Variants in ZNF736 observed in about 807,000 individuals in gnomAD.
ZNF736 encodes the protein KRAB-containing zinc-finger repressor protein.
Under a neutral mutation model 11.7 loss-of-function variants are expected in ZNF736, and 6 were observed. The observed-to-expected ratio is 0.51, with a 90% CI of 0.28 to 1.01. The LOEUF (loss-of-function observed/expected upper bound fraction) is 1.01, where lower values mean the gene tolerates loss of function less well. Among genes scored for constraint, ZNF736 ranks in the 50% least tolerant of loss-of-function variants. The pLI is 0.09. For missense variants in ZNF736, 444 were observed against 496.0 expected (o/e 0.90, Z 1.00); for synonymous variants, 139 against 164.7 (o/e 0.84, Z 1.19).
At chr7:64,317,574 C>A (rs1788935109) in intron 1 of ZNF736, among the ~76,000 whole-genome samples, 1 of 151,936 alleles carries the variant, frequency 6.6e-6, no homozygotes, top group African/African-American at 2.4e-5. Context: ...CAGGTACTGG[C>A]CAAGAAAATC....
At chr7:64,333,658 GA>G (rs11412946) in intron 1 of ZNF736, among the ~76,000 whole-genome samples, 2 of 150,510 alleles carry the variant, frequency 1.3e-5, no homozygotes, top group South Asian at 2.1e-4. Flanking sequence ...GACACAAATG[GA>G]AAAAAAAAAT....
chr7:64,329,949 T>G (rs1789137936), intron 1 of ZNF736, among the ~76,000 whole-genome samples: 1 of 152,156 alleles, frequency 6.6e-6, no homozygotes, highest in African/African-American at 2.4e-5. Context: ...GTGGCTTAGC[T>G]GGCACCGAGG....
chr7:64,348,382 C>T lies in ZNF736; in HGVS notation c.519C>T (p.His173=). ...ACATTTTTAGCAGAGAGAAATGCCA[C>T]AAATGTGAAGAATGTGGCAAAGACT... ...HKDIFSREKC[H]KCEECGKDCR... Residue 173 remains histidine, a synonymous_variant, in exon 4 of 4, where the codon CAC becomes CAT. Coordinates refer to ENST00000423484, the MANE Select transcript of ZNF736 (RefSeq NM_001170905.3). 6.4e-7 allele frequency: 1 copy of T among 1,551,078 alleles called. No individual in the cohort carries two copies. The highest frequency in any genetic ancestry group is 8.7e-7 in the Non-Finnish European group (1 of 1,146,836).
chr7:64,319,161 G>A (rs1384762000), intron 1 of ZNF736, among the ~76,000 whole-genome samples: 7 of 151,230 alleles, frequency 4.6e-5, no homozygotes, highest in African/African-American at 1.5e-4. Flanking sequence ...GAGAAGAAAC[G>A]GACACATAGA....
At chr7:64,329,524 T>C (rs1375377277) in intron 1 of ZNF736, among the ~76,000 whole-genome samples, 1 of 152,180 alleles carries the variant, frequency 6.6e-6, no homozygotes, top group Non-Finnish European at 1.5e-5. Context: ...GAGGTACCAC[T>C]TTGGTGGTCA....
At chr7:64,324,531 C>T (rs1486642456) in intron 1 of ZNF736, among the ~76,000 whole-genome samples, 1 of 152,170 alleles carries the variant, frequency 6.6e-6, no homozygotes, top group East Asian at 1.9e-4. Context: ...ATTTTGCCCC[C>T]CCGGACACAT....
intron 1 of ZNF736, among the ~76,000 whole-genome samples, chr7:64,314,941 TCC>T (rs1271210990): frequency 3.3e-5 from 5 of 152,130 alleles, no homozygotes; most frequent in Non-Finnish European, 5.9e-5. Flanking sequence ...TTAAATGTAA[TCC>T]CCCATGTTGG....
chr7:64,341,823 A>G (rs1465462550), intron 3 of ZNF736, among the ~76,000 whole-genome samples: 1 of 152,202 alleles, frequency 6.6e-6, no homozygotes, highest in East Asian at 1.9e-4. Context: ...CATAGAAAGT[A>G]TTACTGGAAT....
At chr7:64,334,034 G>A (rs1789211929) in intron 1 of ZNF736, among the ~76,000 whole-genome samples, 1 of 152,116 alleles carries the variant, frequency 6.6e-6, no homozygotes, top group Admixed American at 6.5e-5. Flanking sequence ...ACAAAAATAA[G>A]CAATGGGGAA....
chr7:64,346,395 C>G lies in ZNF736; in HGVS notation c.227-1695C>G, dbSNP rs372247197. On this transcript the variant is annotated intron_variant, in intron 3 of 3. Transcript: ENST00000423484. Reference sequence around the variant, plus strand: ...GATATAGTTAGATCTTGATGTAGATCTTGATATATGTCATGATATAGTTAG... The same window carrying G: ...GATATAGTTAGATCTTGATGTAGATGTTGATATATGTCATGATATAGTTAG... Among the ~76,000 whole-genome samples the G allele has an allele frequency of 2.0e-5, 3 of 148,432 alleles. No individual in the cohort carries two copies. The East Asian group carries it at 5.9e-4, about 29-fold the overall frequency.
Position 64,336,193 on chromosome 7 carries a change from AT to A in ZNF736, c.4-62del, listed in dbSNP as rs544772216. On this transcript the variant is annotated intron_variant, in intron 1 of 3. Coordinates refer to ENST00000423484, the MANE Select transcript of ZNF736 (RefSeq NM_001170905.3). The stretch of plus-strand genomic sequence containing the variant: ...GTCAGAACCAGCTATCTTTATTCTC[AT>A]TTTACCTGATGTCAAATCAAGAATT... The A allele has an allele frequency of 4.2e-5, 66 of 1,554,722 alleles. No homozygotes were observed. In the South Asian group the frequency reaches 6.6e-4, roughly 16 times the overall value.
intron 3 of ZNF736, among the ~76,000 whole-genome samples, chr7:64,346,799 T>C (rs969976997): frequency 2.0e-5 from 3 of 152,036 alleles, no homozygotes; most frequent in African/African-American, 7.2e-5. Context: ...CTGTGCTTTT[T>C]ATCTTTTTGT....
chr7:64,337,762 T>TTG (rs769018078), intron 3 of ZNF736, among the ~76,000 whole-genome samples: 36 of 123,508 alleles, frequency 2.9e-4, no homozygotes, highest in East Asian at 1.4e-3. Flanking sequence ...TTTGGTTTTT[T>TTG]TTTTTTTTTG....
rs1178617117 is a variant in ZNF736 at position 64,352,676 on chromosome 7, C to T, written c.*3529C>T. ...AGTGAGAAGGAATGAAACGGGGGAC[C>T]TGCTTTAACAGGCAGTCTGGCCATG... On this transcript the variant is annotated 3_prime_UTR_variant, in exon 4 of 4. Coordinates refer to ENST00000423484, the MANE Select transcript of ZNF736 (RefSeq NM_001170905.3). The T allele has an allele frequency of 6.6e-6, 1 of 152,290 alleles. No homozygotes were observed. Among genetic ancestry groups the T allele is most frequent in the Non-Finnish European group, 1.5e-5 (1 of 68,138 alleles). The allele number at this position is 152,290 out of a possible 1,614,324, so 9.4% of individuals were successfully genotyped here.
chr7:64,321,315 C>T (rs748802455), intron 1 of ZNF736, among the ~76,000 whole-genome samples: 5 of 152,154 alleles, frequency 3.3e-5, no homozygotes, highest in Non-Finnish European at 5.9e-5. Flanking sequence ...AAGAAATTGC[C>T]TTTTATCTTT....
chr7:64,343,008 G>A (rs937810174), intron 3 of ZNF736, among the ~76,000 whole-genome samples: 5 of 152,052 alleles, frequency 3.3e-5, no homozygotes, highest in Non-Finnish European at 5.9e-5. Context: ...GACATAATAA[G>A]TATGTCTAGT....
rs150906243 is a variant in ZNF736 at position 64,351,766 on chromosome 7, G to C, written c.*2619G>C. 1 of 152,344 alleles carries C rather than the reference G, an allele frequency of 6.6e-6. No homozygotes were observed. Among genetic ancestry groups the C allele is most frequent in the East Asian group, 1.9e-4 (1 of 5,168 alleles). The allele number at this position is 152,344 out of a possible 1,614,324, so 9.4% of individuals were successfully genotyped here. Reference sequence around the variant, plus strand: ...GGCTTGCTGCATTATCTCTTTGCTTGTCTTCTGGGGGCTGCATCTCAGAGA... The same window carrying C: ...GGCTTGCTGCATTATCTCTTTGCTTCTCTTCTGGGGGCTGCATCTCAGAGA... On this transcript the variant is annotated 3_prime_UTR_variant, in exon 4 of 4. Transcript: ENST00000423484.
At position 64,341,428 on chromosome 7, in the gene ZNF736, G is replaced by C. The variant is rs537190471; in HGVS notation, c.226+4446G>C. ...GGCTGTAGCAATGAGCCACGCTATA[G>C]ATTTTTTAGTGCTTCACAAACATGT... On this transcript the variant is annotated intron_variant, in intron 3 of 3. Transcript: ENST00000423484. Among the ~76,000 whole-genome samples, 3 of 152,146 alleles carry C rather than the reference G, an allele frequency of 2.0e-5. No homozygotes were observed. In the East Asian group the frequency reaches 5.8e-4, roughly 29 times the overall value.
At chr7:64,326,800 G>T (rs1584267509) in intron 1 of ZNF736, among the ~76,000 whole-genome samples, 1 of 151,394 alleles carries the variant, frequency 6.6e-6, no homozygotes, top group Non-Finnish European at 1.5e-5. Flanking sequence ...TTCCTTATTG[G>T]CCTACTAGTC....
Sources: gnomAD v4.1 joint callset for allele counts (sites outside exome capture counted in the v4.1 genomes callset) on GRCh38, gnomAD v4.1.1 for gene constraint, MANE v1.5 for transcripts, NCBI Gene and HGNC (gene_info 2026-07-23, HGNC 2026-07-21) for gene names.